The following DNAH11 variants were observed in gnomAD, a reference collection of about 807,000 sequenced individuals.
DNAH11 encodes dynein axonemal heavy chain 11.
A neutral mutation model predicts 526.0 loss-of-function variants in DNAH11; 442 were observed. The observed-to-expected ratio is 0.84, with a 90% CI of 0.78 to 0.91. The LOEUF (loss-of-function observed/expected upper bound fraction) is 0.91, where lower values mean the gene tolerates loss of function less well. DNAH11 is among the 40% of genes least tolerant of loss of function. The probability of loss-of-function intolerance (pLI) is 0.00; values close to 1 mark genes in which losing one functional copy is unlikely to be tolerated. For synonymous variants in DNAH11, 2,461 were observed against 1,935.9 expected (o/e 1.27, Z -7.12); for missense variants, 6,989 against 5,448.7 (o/e 1.28, Z -8.90).
chr7:21,873,444 T>C lies in DNAH11; in HGVS notation c.12138T>C (p.Asn4046=). The C allele has an allele frequency of 1.9e-6, 3 of 1,613,994 alleles. No individual in the cohort carries two copies. The highest frequency in any genetic ancestry group is 2.5e-6 in the Non-Finnish European group (3 of 1,179,876). ...GLLENSIKIT[N]EPPTGMLANL... The stretch of plus-strand genomic sequence containing the variant: ...TGGAAAATTCCATTAAGATCACTAA[T>C]GAACCCCCAACAGGGATGCTGGCCA... Residue 4046 remains asparagine, a synonymous_variant, in exon 74 of 82, where the codon AAT becomes AAC. Coordinates refer to ENST00000409508, the MANE Select transcript of DNAH11 (RefSeq NM_001277115.2).
chr7:21,687,409 G>T lies in DNAH11; in HGVS notation c.5806G>T (p.Val1936Leu), dbSNP rs369757206. Residue 1936 changes from valine to leucine, a missense_variant, in exon 34 of 82, where the codon GTG becomes TTG. Coordinates refer to ENST00000409508, the MANE Select transcript of DNAH11 (RefSeq NM_001277115.2). ...CATAGGCAATATCTATAAGGGATTG[G>T]TGCAGACAGGAGCTTGGGGCTGCTT... ...KSIGNIYKGL[V>L]QTGAWGCFDE... 3 of 1,613,830 alleles carry T rather than the reference G, an allele frequency of 1.9e-6. No individual in the cohort carries two copies. Among genetic ancestry groups the T allele is most frequent in the Non-Finnish European group, 2.5e-6 (3 of 1,179,858 alleles).
At chr7:21,730,408 A>C (rs141305413) in intron 45 of DNAH11, among the ~76,000 whole-genome samples, 1 of 152,234 alleles carries the variant, frequency 6.6e-6, no homozygotes, top group African/African-American at 2.4e-5. Flanking sequence ...GGAATGCTCA[A>C]CCAGTAAGTA....
chr7:21,851,417 A>G, intron 66 of DNAH11: 1 of 347,668 alleles, frequency 2.9e-6, no homozygotes, highest in East Asian at 7.4e-5. Flanking sequence ...CCTTTATCGC[A>G]CCTTGAGAGC....
intron 45 of DNAH11, among the ~76,000 whole-genome samples, chr7:21,734,499 C>A (rs1487400573): frequency 6.6e-6 from 1 of 152,180 alleles, no homozygotes; most frequent in African/African-American, 2.4e-5. Flanking sequence ...CTGAGTATCA[C>A]TGAATTAAAA....
In DNAH11 at chr7:21,742,100, C is replaced by G; in HGVS notation, c.8088C>G (p.Asn2696Lys). ...CATTCCATCAGACAATGATGTGTAACTTTTTACCCACGGCTATTAAATTCC... is the reference window on the plus strand; with the variant it reads ...CATTCCATCAGACAATGATGTGTAAGTTTTTACCCACGGCTATTAAATTCC... ...TIAFHQTMMC[N>K]FLPTAIKFHY... is the part of the protein sequence containing the mutation. Residue 2696 changes from asparagine (N) to lysine (K), a missense_variant, in exon 49 of 82, where the codon AAC (asparagine) becomes AAG (lysine). Coordinates refer to ENST00000409508, the MANE Select transcript of DNAH11 (RefSeq NM_001277115.2). The G allele has an allele frequency of 6.2e-7, 1 of 1,613,922 alleles. No homozygotes were observed. Among genetic ancestry groups the G allele is most frequent in the Non-Finnish European group, 8.5e-7 (1 of 1,179,850 alleles).
chr7:21,749,861 C>T lies in DNAH11; in HGVS notation c.8797+60C>T, dbSNP rs974812837. Reference sequence around the variant, plus strand: ...CCCAATGACAAATTATCTGTAGTTTCAGTGAACTTTAAAGAGAGAGAATTC... The same window carrying T: ...CCCAATGACAAATTATCTGTAGTTTTAGTGAACTTTAAAGAGAGAGAATTC... On this transcript the variant is annotated intron_variant, in intron 53 of 81. Transcript: ENST00000409508. 8.1e-6 allele frequency: 13 copies of T among 1,604,098 alleles called. No homozygotes were observed. The African/African-American group carries it at 1.7e-4, about 21-fold the overall frequency.
intron 30 of DNAH11, among the ~76,000 whole-genome samples, chr7:21,676,907 T>C (rs1782914085): frequency 6.6e-6 from 1 of 152,204 alleles, no homozygotes; most frequent in Non-Finnish European, 1.5e-5. Flanking sequence ...GAAACTTGCA[T>C]AGGTATGGGT....
intron 12 of DNAH11, among the ~76,000 whole-genome samples, chr7:21,590,398 A>G (rs1489361050): frequency 6.6e-6 from 1 of 152,206 alleles, no homozygotes; most frequent in Non-Finnish European, 1.5e-5. Flanking sequence ...ATGACAAAAC[A>G]CAAAATGCCT....
At position 21,750,479 on chromosome 7, in the gene DNAH11, C is replaced by T. The variant is rs142581526; in HGVS notation, c.8940+115C>T. ...ATTTCAGTCATGCATTTTGAAAGGA[C>T]GTGTGCATTTTTACACGCCTGTATC... On this transcript the variant is annotated intron_variant, in intron 54 of 81. Coordinates refer to ENST00000409508, the MANE Select transcript of DNAH11 (RefSeq NM_001277115.2). 4.3e-5 allele frequency: 59 copies of T among 1,388,054 alleles called. No individual in the cohort carries two copies. In the Middle Eastern group the frequency reaches 5.8e-4, roughly 14 times the overall value. 86.0% of individuals were successfully genotyped at this position (1,388,054 alleles called of 1,614,324 possible).
intron 51 of DNAH11, among the ~76,000 whole-genome samples, chr7:21,747,041 TCAG>T (rs1786180300): frequency 6.6e-6 from 1 of 152,218 alleles, no homozygotes; most frequent in Admixed American, 6.5e-5. Context: ...GCTGATTTAC[TCAG>T]CATTAGAGGT....
Position 21,742,138 on chromosome 7 carries a change from A to G in DNAH11, c.8126A>G (p.Asn2709Ser). Residue 2709 changes from asparagine (N) to serine (S), a missense_variant, in exon 49 of 82, where the codon AAT (asparagine) becomes AGT (serine). Asn to Ser is a conservative substitution (Grantham distance 46). Coordinates refer to ENST00000409508, the MANE Select transcript of DNAH11 (RefSeq NM_001277115.2). The part of the protein sequence containing the change: ...PTAIKFHYIF[N>S]LRDLSNVFQG... ...GCTATTAAATTCCACTACATCTTTA[A>G]TCTGAGAGATTTATCAAACGTCTTC... 6.2e-7 allele frequency: 1 copy of G among 1,613,866 alleles called. No homozygotes were observed. Among genetic ancestry groups the G allele is most frequent in the South Asian group, 1.1e-5 (1 of 91,066 alleles).
chr7:21,759,861 C>G (rs963190723), intron 54 of DNAH11, among the ~76,000 whole-genome samples: 1 of 152,056 alleles, frequency 6.6e-6, no homozygotes, highest in Non-Finnish European at 1.5e-5. Context: ...AGTCATAACA[C>G]CTGTGTGGGC....
At position 21,711,823 on chromosome 7, in the gene DNAH11, A is replaced by G. The variant is rs1289840978; in HGVS notation, c.6946A>G (p.Ile2316Val). Residue 2316 changes from isoleucine to valine, a missense_variant, in exon 42 of 82, where the codon ATT becomes GTT. By Grantham distance (29) the Ile-to-Val change is conservative. Coordinates refer to ENST00000409508, the MANE Select transcript of DNAH11 (RefSeq NM_001277115.2). ...ATPATVSRAG[I>V]LYVNPQDLGW... ...CCCGGCCACTGTTTCCAGAGCTGGT[A>G]TTCTGTATGTGAACCCACAAGATCT... 6.2e-7 allele frequency: 1 copy of G among 1,613,728 alleles called. No individual in the cohort carries two copies. The highest frequency in any genetic ancestry group is 8.5e-7 in the Non-Finnish European group (1 of 1,179,734).
intron 21 of DNAH11, among the ~76,000 whole-genome samples, chr7:21,615,894 AG>A (rs1785752813): frequency 6.6e-6 from 1 of 152,228 alleles, no homozygotes; most frequent in East Asian, 1.9e-4. Flanking sequence ...GAATTATAAA[AG>A]TCTGTTATTT....
Position 21,880,728 on chromosome 7 carries a change from G to A in DNAH11, c.12222G>A (p.Glu4074=). ...DQDTLEICSK[E]QEFKSILFSL... is the part of the protein sequence containing the mutation. ...ATACACTTGAAATATGCTCCAAGGA[G>A]CAGGAGTTTAAAAGCATCCTTTTTT... Residue 4074 remains glutamate (E), a synonymous_variant, in exon 75 of 82, where the codon GAG becomes GAA. Transcript: ENST00000409508. The A allele has an allele frequency of 1.2e-6, 2 of 1,613,938 alleles. No individual in the cohort carries two copies. Among genetic ancestry groups the A allele is most frequent in the Non-Finnish European group, 1.7e-6 (2 of 1,179,890 alleles).
chr7:21,753,959 G>A (rs1045028193), intron 54 of DNAH11, among the ~76,000 whole-genome samples: 10 of 151,986 alleles, frequency 6.6e-5, no homozygotes, highest in Non-Finnish European at 8.8e-5. Context: ...GTTTTGTAAC[G>A]GTGTATTATT....
In DNAH11 at chr7:21,599,949, T is replaced by C. The variant is rs528815766; in HGVS notation, c.2830T>C (p.Phe944Leu). Residue 944 changes from phenylalanine to leucine, a missense_variant, in exon 15 of 82, where the codon TTT (phenylalanine) becomes CTT (leucine). By Grantham distance (22) the Phe-to-Leu change is conservative. Transcript: ENST00000409508. The stretch of plus-strand genomic sequence containing the variant: ...GAAACAATTGAAACCGGCACCGTTT[T>C]TTCAAGCACAAATGATCTTGTTGCC... The part of the protein sequence containing the change: ...TEKQLKPAPF[F>L]QAQMILLPPE... 2.5e-6 allele frequency: 4 copies of C among 1,613,800 alleles called. No individual in the cohort carries two copies. The highest frequency in any genetic ancestry group is 3.4e-6 in the Non-Finnish European group (4 of 1,179,832).
chr7:21,696,230 TC>T (rs576232116), intron 35 of DNAH11, among the ~76,000 whole-genome samples: 163 of 152,312 alleles, frequency 1.1e-3, no homozygotes, highest in Non-Finnish European at 1.8e-3. Context: ...AGTTTGCTTG[TC>T]CATCCATCTG....
intron 37 of DNAH11, among the ~76,000 whole-genome samples, chr7:21,703,081 T>A (rs1478543895): frequency 6.6e-6 from 1 of 152,224 alleles, no homozygotes; most frequent in African/African-American, 2.4e-5. Flanking sequence ...AATTCAGTAA[T>A]CACTGTTTGA....
Sources: allele counts gnomAD v4.1 joint callset (sites outside exome capture counted in the v4.1 genomes callset), GRCh38; gene constraint gnomAD v4.1.1; transcripts MANE v1.5; gene names NCBI Gene and HGNC (gene_info 2026-07-23, HGNC 2026-07-21).